Variants in CEP128 observed in about 807,000 individuals in gnomAD.
The protein encoded by CEP128 is centrosomal protein 128.
Under a neutral mutation model 156.7 loss-of-function variants are expected in CEP128, and 132 were observed. The ratio of observed to expected loss-of-function variants is 0.84; its 90% CI spans 0.73 to 0.97. The LOEUF (loss-of-function observed/expected upper bound fraction) is 0.97. Among genes scored for constraint, CEP128 ranks in the 50% least tolerant of loss-of-function variants. The pLI, the probability that CEP128 is intolerant of heterozygous loss-of-function variation, is 0.00. For synonymous variants in CEP128, 469 were observed against 448.9 expected, an observed-to-expected ratio of 1.04 and a Z score of -0.57; for missense variants, 1,252 against 1,281.9, an observed-to-expected ratio of 0.98 and a Z score of 0.36.
chr14:80,811,189 T>G (rs1192901066), intron 13 of CEP128, among the ~76,000 whole-genome samples: 1 of 152,216 alleles, frequency 6.6e-6, no homozygotes, highest in Non-Finnish European at 1.5e-5. Context: ...AGCCTATCAT[T>G]GATGGGCATT....
chr14:80,866,041 T>C (rs1007153466), intron 8 of CEP128, among the ~76,000 whole-genome samples: 10 of 152,110 alleles, frequency 6.6e-5, no homozygotes, highest in African/African-American at 1.7e-4. Context: ...TAATTGTACA[T>C]ACCCAGACAC....
intron 21 of CEP128, among the ~76,000 whole-genome samples, chr14:80,545,580 T>A (rs568707248): frequency 1.3e-5 from 2 of 152,298 alleles, no homozygotes; most frequent in South Asian, 2.1e-4. Flanking sequence ...TGACAAATTT[T>A]AATGTTAACA....
intron 19 of CEP128, among the ~76,000 whole-genome samples, chr14:80,611,696 T>C (rs527691082): frequency 6.6e-6 from 1 of 152,318 alleles, no homozygotes; most frequent in African/African-American, 2.4e-5. Flanking sequence ...ACTCTAAGTA[T>C]TCCCAAAGTT....
chr14:80,907,385 G>C (rs898037207), intron 4 of CEP128, among the ~76,000 whole-genome samples: 1 of 151,940 alleles, frequency 6.6e-6, no homozygotes, highest in African/African-American at 2.4e-5. Context: ...ATGCAGCATC[G>C]GCGGTTGCTC....
At chr14:80,855,046 CAA>C (rs979849282) in intron 9 of CEP128, among the ~76,000 whole-genome samples, 14 of 152,086 alleles carry the variant, frequency 9.2e-5, no homozygotes, top group African/African-American at 3.4e-4. Flanking sequence ...AAGTGTGGCT[CAA>C]AATAAGCCCC....
At chr14:80,798,951 C>T (rs1015647121) in intron 13 of CEP128, among the ~76,000 whole-genome samples, 6 of 152,146 alleles carry the variant, frequency 3.9e-5, no homozygotes, top group Non-Finnish European at 8.8e-5. Flanking sequence ...ATAAACAATG[C>T]ATATTTTAAA....
chr14:80,693,056 G>A (rs980563376), intron 19 of CEP128, among the ~76,000 whole-genome samples: 7 of 152,132 alleles, frequency 4.6e-5, no homozygotes, highest in South Asian at 2.1e-4. Context: ...CTCAAGTGAC[G>A]CAAATGCTAC....
chr14:80,518,092 A>G (rs1888575094), intron 23 of CEP128, among the ~76,000 whole-genome samples: 1 of 149,156 alleles, frequency 6.7e-6, no homozygotes, highest in South Asian at 2.2e-4. Flanking sequence ...ACTCCCATAT[A>G]ATGGGAGGGG....
At chr14:80,644,167 A>G (rs1894540421) in intron 19 of CEP128, among the ~76,000 whole-genome samples, 1 of 152,240 alleles carries the variant, frequency 6.6e-6, no homozygotes, top group African/African-American at 2.4e-5. Context: ...CAGCCTGCAG[A>G]GCAAGCATGG....
chr14:80,658,296 T>C (rs181048766), intron 19 of CEP128, among the ~76,000 whole-genome samples: 1 of 152,346 alleles, frequency 6.6e-6, no homozygotes, highest in East Asian at 1.9e-4. Context: ...AGATTGTACA[T>C]CAACATTCTT....
At chr14:80,655,347 A>T (rs1301899588) in intron 19 of CEP128, among the ~76,000 whole-genome samples, 1 of 152,206 alleles carries the variant, frequency 6.6e-6, no homozygotes, top group Admixed American at 6.5e-5. Flanking sequence ...CCCTATGTAC[A>T]TCCATTAATT....
At chr14:80,644,490 C>T (rs923763169) in intron 19 of CEP128, among the ~76,000 whole-genome samples, 41 of 152,256 alleles carry the variant, frequency 2.7e-4, no homozygotes, top group Admixed American at 2.2e-3. Context: ...TGAGATTTGT[C>T]TGCATTTTTC....
intron 23 of CEP128, among the ~76,000 whole-genome samples, 199 bp from the exon 24 acceptor site, chr14:80,505,219 C>T (rs1027085788): frequency 6.6e-6 from 1 of 152,186 alleles, no homozygotes; most frequent in Non-Finnish European, 1.5e-5. Context: ...TCACCCATTG[C>T]TATAGCAACA....
intron 19 of CEP128, among the ~76,000 whole-genome samples, chr14:80,623,078 G>A (rs1299232772): frequency 1.3e-5 from 2 of 152,132 alleles, no homozygotes; most frequent in African/African-American, 4.8e-5. Flanking sequence ...AACAATGACA[G>A]ACTGGATTAA....
intron 23 of CEP128, among the ~76,000 whole-genome samples, chr14:80,512,465 A>C (rs1282571310): frequency 6.6e-6 from 1 of 151,700 alleles, no homozygotes; most frequent in Non-Finnish European, 1.5e-5. Flanking sequence ...TTTAGTCTAC[A>C]TATGTCTTTA....
At chr14:80,742,981 A>G in intron 19 of CEP128, 94 bp downstream of exon 19, 1 of 1,032,354 alleles carries the variant, frequency 9.7e-7, no homozygotes, top group South Asian at 1.4e-5. Flanking sequence ...AAATAGTCCA[A>G]AGGGGATGCA....
intron 19 of CEP128, among the ~76,000 whole-genome samples, chr14:80,645,555 A>G (rs1894598065): frequency 6.6e-6 from 1 of 152,172 alleles, no homozygotes; most frequent in Non-Finnish European, 1.5e-5. Flanking sequence ...TAAAATAAGC[A>G]AAAATCATGG....
chr14:80,768,653 T>C (rs750645631), intron 16 of CEP128, among the ~76,000 whole-genome samples: 1 of 152,186 alleles, frequency 6.6e-6, no homozygotes, highest in Admixed American at 6.5e-5. Context: ...ATCAAAACAC[T>C]GGCTTTAAGA....
intron 18 of CEP128, among the ~76,000 whole-genome samples, chr14:80,754,086 C>T (rs955021206): frequency 1.3e-5 from 2 of 152,172 alleles, no homozygotes; most frequent in African/African-American, 4.8e-5. Context: ...GTTCAAAACT[C>T]CTTTGTGATT....
Sources: allele counts gnomAD v4.1 joint callset (sites outside exome capture counted in the v4.1 genomes callset), GRCh38; gene constraint gnomAD v4.1.1; transcripts MANE v1.5; gene names NCBI Gene and HGNC (gene_info 2026-07-23, HGNC 2026-07-21).